Variants in MOB3B observed in about 807,000 individuals in gnomAD.
MOB3B encodes the protein MOB kinase activator-like 2B.
A neutral mutation model predicts 18.7 loss-of-function variants in MOB3B; 7 were observed. The observed-to-expected ratio is 0.37, with a 90% CI of 0.21 to 0.70. The LOEUF is 0.70. MOB3B is among the 30% of genes least tolerant of loss of function. MOB3B has a pLI of 0.52. For missense variants in MOB3B, 253 were observed against 281.3 expected, an observed-to-expected ratio of 0.90 and a Z score of 0.72; for synonymous variants, 111 against 99.9, an observed-to-expected ratio of 1.11 and a Z score of -0.66.
chr9:27,400,521 C>T (rs1256438589), intron 2 of MOB3B, among the ~76,000 whole-genome samples: 1 of 152,236 alleles, frequency 6.6e-6, no homozygotes, highest in Non-Finnish European at 1.5e-5. Context: ...TAGGTAAAGC[C>T]TTCCCTAATG....
intron 3 of MOB3B, 117 bp from the exon 4 acceptor site, chr9:27,330,733 C>T (rs1480129317): frequency 4.2e-6 from 6 of 1,442,294 alleles, no homozygotes; most frequent in South Asian, 1.3e-5. Flanking sequence ...AGCTTGCAAG[C>T]ATGGTCCATG....
At chr9:27,417,872 C>A (rs1199975314) in intron 2 of MOB3B, among the ~76,000 whole-genome samples, 1 of 151,936 alleles carries the variant, frequency 6.6e-6, no homozygotes, top group Non-Finnish European at 1.5e-5. Flanking sequence ...ACCATCCTGG[C>A]CAACTTGGTG....
chr9:27,346,737 A>G (rs745327350), intron 3 of MOB3B, among the ~76,000 whole-genome samples: 3 of 152,168 alleles, frequency 2.0e-5, no homozygotes, highest in Non-Finnish European at 4.4e-5. Context: ...GCTCATGCCT[A>G]TAATCCCAGC....
In MOB3B at chr9:27,471,483, G is replaced by A. The variant is rs777904260; in HGVS notation, c.-198-15735C>T. On this transcript the variant is annotated intron_variant, in intron 1 of 3. Coordinates refer to ENST00000262244, the MANE Select transcript of MOB3B (RefSeq NM_024761.5). ...GGTCACTGTGTTGTATAGACTGGTC[G>A]TTAAGTAAATGGATCTGAGATCAGA... 3.9e-5 allele frequency among the ~76,000 whole-genome samples: 6 copies of A among 152,228 alleles called. No individual in the cohort carries two copies. The East Asian group carries it at 5.8e-4, about 15-fold the overall frequency.
intron 2 of MOB3B, among the ~76,000 whole-genome samples, chr9:27,425,980 C>T (rs1055625765): frequency 6.6e-6 from 1 of 152,204 alleles, no homozygotes; most frequent in African/African-American, 2.4e-5. Context: ...CTGATTCACC[C>T]AGCAGAAGGA....
At chr9:27,443,940 T>C (rs1446802183) in intron 2 of MOB3B, among the ~76,000 whole-genome samples, 1 of 152,108 alleles carries the variant, frequency 6.6e-6, no homozygotes, top group Non-Finnish European at 1.5e-5. Flanking sequence ...ATACACATTC[T>C]TTAGTCTTGC....
rs2131323277 is a variant in MOB3B at position 27,325,669 on chromosome 9, A to G, written c.*4918T>C. On this transcript the variant is annotated 3_prime_UTR_variant, in exon 4 of 4. Coordinates refer to ENST00000262244, the MANE Select transcript of MOB3B (RefSeq NM_024761.5). ...TAGGAGAGAATCACCAATTTCTTCA[A>G]GGTCCAAAATGATCAGAACAAGAAT... The G allele has an allele frequency of 6.6e-6, 1 of 152,350 alleles. No individual in the cohort carries two copies. The highest frequency in any genetic ancestry group is 6.5e-5 in the Admixed American group (1 of 15,306). The allele number at this position is 152,350 out of a possible 1,614,324, so 9.4% of individuals were successfully genotyped here.
intron 1 of MOB3B, among the ~76,000 whole-genome samples, chr9:27,473,823 A>C (rs549500647): frequency 7.9e-5 from 12 of 152,296 alleles, no homozygotes; most frequent in Middle Eastern, 6.8e-3. Flanking sequence ...ATCTAACCTG[A>C]TAGCAGCCAC....
intron 2 of MOB3B, among the ~76,000 whole-genome samples, chr9:27,375,256 T>A (rs933504704): frequency 2.0e-5 from 3 of 152,236 alleles, no homozygotes; most frequent in African/African-American, 7.2e-5. Flanking sequence ...CAGCAAGCAC[T>A]GGAGTGGGGT....
intron 1 of MOB3B, among the ~76,000 whole-genome samples, chr9:27,511,538 C>T (rs1442500784): frequency 6.6e-6 from 1 of 152,146 alleles, no homozygotes; most frequent in African/African-American, 2.4e-5. Context: ...TTAAAGAAAG[C>T]AAATGACGGT....
rs139675319 is a variant in MOB3B, at chr9:27,479,231, G to C, written c.-198-23483C>G. 3.9e-4 allele frequency among the ~76,000 whole-genome samples: 59 copies of C among 152,292 alleles called. 1 individual carries two copies. In the East Asian group the frequency reaches 0.011, roughly 28 times the overall value. On this transcript the variant is annotated intron_variant, in intron 1 of 3. Coordinates refer to ENST00000262244, the MANE Select transcript of MOB3B (RefSeq NM_024761.5). ...GGCAGAAGGCATCATATGGGCAAGA[G>C]AGAGAGAGGGAAGGAGGCTAAACTC...
At chr9:27,528,706 G>T (rs949177505) in intron 1 of MOB3B, among the ~76,000 whole-genome samples, 3 of 152,132 alleles carry the variant, frequency 2.0e-5, no homozygotes, top group Admixed American at 1.3e-4. Context: ...AAGGCCATTC[G>T]CCACGATCTC....
intron 3 of MOB3B, among the ~76,000 whole-genome samples, chr9:27,333,226 A>G (rs576342761): frequency 1.3e-5 from 2 of 152,258 alleles, no homozygotes; most frequent in South Asian, 4.1e-4. Context: ...CATAAAGGGA[A>G]TGTATGGTTG....
intron 2 of MOB3B, among the ~76,000 whole-genome samples, chr9:27,381,964 G>A (rs1187285739): frequency 6.6e-6 from 1 of 152,122 alleles, no homozygotes; most frequent in African/African-American, 2.4e-5. Flanking sequence ...AAATTGATGA[G>A]GGGTGGACAT....
intron 2 of MOB3B, among the ~76,000 whole-genome samples, chr9:27,402,376 A>T (rs1232684001): frequency 6.6e-6 from 1 of 152,334 alleles, no homozygotes; most frequent in East Asian, 1.9e-4. Flanking sequence ...CCGGCACAGC[A>T]CTTCACAGAT....
At chr9:27,457,691 G>GT (rs34394960) in intron 1 of MOB3B, among the ~76,000 whole-genome samples, 49 of 149,580 alleles carry the variant, frequency 3.3e-4, no homozygotes, top group African/African-American at 7.8e-4. Flanking sequence ...CGCAAGGTGG[G>GT]TTTTTTTTTT....
chr9:27,345,280 T>A (rs1821015989), intron 3 of MOB3B, among the ~76,000 whole-genome samples: 1 of 152,046 alleles, frequency 6.6e-6, no homozygotes, highest in African/African-American at 2.4e-5. Flanking sequence ...TTGTAATGGG[T>A]CAGAACTGCT....
chr9:27,467,054 T>G (rs1428403985), intron 1 of MOB3B, among the ~76,000 whole-genome samples: 1 of 152,136 alleles, frequency 6.6e-6, no homozygotes, highest in Non-Finnish European at 1.5e-5. Flanking sequence ...CAGGTAACCC[T>G]GAGATAAAAT....
At chr9:27,463,693 A>G (rs1041964811) in intron 1 of MOB3B, among the ~76,000 whole-genome samples, 1 of 151,746 alleles carries the variant, frequency 6.6e-6, no homozygotes, top group African/African-American at 2.4e-5. Flanking sequence ...GGGCACAGTG[A>G]CTCACGTCTG....
Sources: allele counts gnomAD v4.1 joint callset (sites outside exome capture counted in the v4.1 genomes callset), GRCh38; gene constraint gnomAD v4.1.1; transcripts MANE v1.5; gene names NCBI Gene and HGNC (gene_info 2026-07-23, HGNC 2026-07-21).